Variants in CENPO observed in about 807,000 individuals in gnomAD.
The protein encoded by CENPO is centromeric protein O.
Under a neutral mutation model 36.1 loss-of-function variants are expected in CENPO, and 30 were observed. That is an observed-to-expected ratio of 0.83 (90% CI 0.62 to 1.13). The LOEUF is 1.13. Among genes scored for constraint, CENPO ranks in the 50% most tolerant of loss-of-function variants. CENPO has a pLI of 0.00. For missense variants in CENPO, 349 were observed against 357.8 expected (o/e 0.98, Z 0.20); for synonymous variants, 171 against 142.3 (o/e 1.20, Z -1.44).
Position 24,817,716 on chromosome 2 carries a change from T to C in CENPO, c.813T>C (p.His271=), listed in dbSNP as rs199950492. 54 of 1,614,244 alleles carry C rather than the reference T, an allele frequency of 3.3e-5. No homozygotes were observed. In the East Asian group the frequency reaches 1.2e-3, roughly 35 times the overall value. The change falls in exon 7 of 8, where the codon CAT becomes CAC. Residue 271 remains histidine, a synonymous_variant. Transcript: ENST00000380834. ...CATGGGAGGAGCAACGAGCATCTCA[T>C]GAAACTCTGTTCTGTACGAAGCCCT... The part of the protein sequence containing the change: ...STSWEEQRAS[H]ETLFCTKPLH...
chr2:24,821,348 A>G lies in CENPO; in HGVS notation c.*2030A>G, dbSNP rs1363647186. On this transcript the variant is annotated 3_prime_UTR_variant, in exon 8 of 8. Transcript: ENST00000380834. ...AGCTGGGTTTTTGGTTTAGTCATCTAGAGTCGTCTGGACTAAAGGTCTTTC... is the reference window on the plus strand; with the variant it reads ...AGCTGGGTTTTTGGTTTAGTCATCTGGAGTCGTCTGGACTAAAGGTCTTTC... The G allele has an allele frequency of 2.1e-6, 2 of 964,554 alleles. No homozygotes were observed. The highest frequency in any genetic ancestry group is 1.6e-5 in the South Asian group (1 of 61,026). 59.7% of individuals were successfully genotyped at this position (964,554 alleles called of 1,614,324 possible).
At chr2:24,801,189 G>T (rs957585406) in intron 3 of CENPO, among the ~76,000 whole-genome samples, 4 of 152,042 alleles carry the variant, frequency 2.6e-5, no homozygotes, top group African/African-American at 9.7e-5. Context: ...TTTTTTTCTT[G>T]TACATTTGTT....
At position 24,819,987 on chromosome 2, in the gene CENPO, G is replaced by C. The variant is rs772212679; in HGVS notation, c.*669G>C. On this transcript the variant is annotated 3_prime_UTR_variant, in exon 8 of 8. Transcript: ENST00000380834. ...TGTGACAGAGGGGCCATTGGGGAAGGTGGCTAGCTTATCCCGCCCCTTCAA... is the reference window on the plus strand; with the variant it reads ...TGTGACAGAGGGGCCATTGGGGAAGCTGGCTAGCTTATCCCGCCCCTTCAA... 31 of 1,613,486 alleles carry C rather than the reference G, an allele frequency of 1.9e-5. No individual in the cohort carries two copies. The highest frequency in any genetic ancestry group is 2.3e-5 in the Non-Finnish European group (27 of 1,179,768).
intron 3 of CENPO, among the ~76,000 whole-genome samples, chr2:24,803,006 G>C (rs1166045126): frequency 1.3e-5 from 2 of 152,092 alleles, no homozygotes; most frequent in Admixed American, 6.6e-5. Context: ...CAATTTCAGA[G>C]CCTGTTATTG....
At chr2:24,793,607 G>T in intron 1 of CENPO, 106 bp downstream of exon 1, 3 of 1,444,492 alleles carry the variant, frequency 2.1e-6, no homozygotes, top group South Asian at 2.9e-5. Flanking sequence ...TGGCCGGGAA[G>T]CCCGCTGGAC....
At chr2:24,805,129 G>C (rs1440845520) in intron 3 of CENPO, among the ~76,000 whole-genome samples, 2 of 150,788 alleles carry the variant, frequency 1.3e-5, no homozygotes, top group Non-Finnish European at 3.0e-5. Flanking sequence ...GGCTACTGAG[G>C]CTTGTGCATT....
intron 6 of CENPO, 109 bp from the exon 7 acceptor site, chr2:24,817,561 A>C: frequency 7.0e-7 from 1 of 1,426,430 alleles, no homozygotes. Flanking sequence ...AATGTCAGTG[A>C]TCCAGGCTCC....
chr2:24,820,564 G>T lies in CENPO; in HGVS notation c.*1246G>T. The T allele has an allele frequency of 7.0e-7, 1 of 1,424,996 alleles. No individual in the cohort carries two copies. Among genetic ancestry groups the T allele is most frequent in the Non-Finnish European group, 9.3e-7 (1 of 1,074,964 alleles). 88.3% of individuals were successfully genotyped at this position (1,424,996 alleles called of 1,614,324 possible). A position where few individuals can be genotyped will look rare whatever the true frequency, so the allele number is the denominator to read the frequency against. ...TGGAAGTGTTTCTTCCTGTGCTGAG[G>T]CTAGCTATTGCAGAGATTCTTTTCC... On this transcript the variant is annotated 3_prime_UTR_variant, in exon 8 of 8. Coordinates refer to ENST00000380834, the MANE Select transcript of CENPO (RefSeq NM_001322101.2).
chr2:24,821,370 T>C lies in CENPO; in HGVS notation c.*2052T>C, dbSNP rs1029697523. The C allele has an allele frequency of 5.8e-6, 7 of 1,217,108 alleles. No homozygotes were observed. The African/African-American group carries it at 1.1e-4, about 18-fold the overall frequency. The allele number at this position is 1,217,108 out of a possible 1,614,324, so 75.4% of individuals were successfully genotyped here. On this transcript the variant is annotated 3_prime_UTR_variant, in exon 8 of 8. Coordinates refer to ENST00000380834, the MANE Select transcript of CENPO (RefSeq NM_001322101.2). ...TCTAGAGTCGTCTGGACTAAAGGTC[T>C]TTCAGGTCTCCTTGCCCTGTGAGTG...
intron 3 of CENPO, among the ~76,000 whole-genome samples, chr2:24,802,994 C>T (rs1357313415): frequency 6.6e-6 from 1 of 152,184 alleles, no homozygotes; most frequent in African/African-American, 2.4e-5. Context: ...TAATTATTGC[C>T]TCAATTTCAG....
Position 24,820,884 on chromosome 2 carries a change from G to T in CENPO, c.*1566G>T, listed in dbSNP as rs749768570. The T allele has an allele frequency of 1.1e-5, 18 of 1,608,708 alleles. No individual in the cohort carries two copies. In the Admixed American group the frequency reaches 2.7e-4, roughly 24 times the overall value. On this transcript the variant is annotated 3_prime_UTR_variant, in exon 8 of 8. Transcript: ENST00000380834. Reference sequence around the variant, plus strand: ...GGCATAAAGTTCAGCACAGCCACAGGCCACACCTTGTTATGGGCCTCAGAA... The same window carrying T: ...GGCATAAAGTTCAGCACAGCCACAGTCCACACCTTGTTATGGGCCTCAGAA...
intron 3 of CENPO, among the ~76,000 whole-genome samples, chr2:24,808,714 G>A (rs756238961): frequency 6.6e-6 from 1 of 152,050 alleles, no homozygotes; most frequent in Non-Finnish European, 1.5e-5. Flanking sequence ...AATTTGGTTT[G>A]ATGTATCATC....
chr2:24,800,366 C>T (rs912151088), intron 3 of CENPO, among the ~76,000 whole-genome samples: 2 of 152,074 alleles, frequency 1.3e-5, no homozygotes, highest in Admixed American at 6.5e-5. Flanking sequence ...AGGGTACATG[C>T]GCACAACGTG....
chr2:24,796,066 G>A (rs770748619), intron 2 of CENPO, among the ~76,000 whole-genome samples: 2 of 152,016 alleles, frequency 1.3e-5, no homozygotes, highest in Non-Finnish European at 2.9e-5. Flanking sequence ...AAACATTTCC[G>A]GAGTGTTGGC....
At position 24,820,090 on chromosome 2, in the gene CENPO, G is replaced by T; in HGVS notation, c.*772G>T. The T allele has an allele frequency of 6.4e-7, 1 of 1,558,092 alleles. No individual in the cohort carries two copies. The highest frequency in any genetic ancestry group is 8.7e-7 in the Non-Finnish European group (1 of 1,151,744). ...ACAAAGCGGAAGCCGTACTCTCGGA[G>T]GATGACTTGGGTTTCTTCTACCACC... On this transcript the variant is annotated 3_prime_UTR_variant, in exon 8 of 8. Transcript: ENST00000380834.
At chr2:24,817,456 T>C (rs1666991900) in intron 6 of CENPO, among the ~76,000 whole-genome samples, 1 of 65,438 alleles carries the variant, frequency 1.5e-5, no homozygotes, top group African/African-American at 6.2e-5. Flanking sequence ...GGGGCAGCCT[T>C]AGTCCAGACC....
At chr2:24,806,272 G>C (rs1025751384) in intron 3 of CENPO, among the ~76,000 whole-genome samples, 1 of 152,350 alleles carries the variant, frequency 6.6e-6, no homozygotes, top group Middle Eastern at 3.4e-3. Context: ...TGCGCTTCCT[G>C]GGTGAGGCGA....
intron 2 of CENPO, among the ~76,000 whole-genome samples, chr2:24,798,149 T>C (rs886775506): frequency 6.6e-6 from 1 of 152,132 alleles, no homozygotes; most frequent in Non-Finnish European, 1.5e-5. Context: ...TCAACTTGCA[T>C]GGACAACTCT....
At chr2:24,813,924 C>A (rs1666820724) in intron 3 of CENPO, among the ~76,000 whole-genome samples, 1 of 152,190 alleles carries the variant, frequency 6.6e-6, no homozygotes, top group South Asian at 2.1e-4. Flanking sequence ...ATCCAGCTTG[C>A]ATAGTTGTTC....
Sources: allele counts gnomAD v4.1 joint callset (sites outside exome capture counted in the v4.1 genomes callset), GRCh38; gene constraint gnomAD v4.1.1; transcripts MANE v1.5; gene names NCBI Gene and HGNC (gene_info 2026-07-23, HGNC 2026-07-21).